The following ITGA9 variants were observed in gnomAD, a reference collection of about 807,000 sequenced individuals.
The protein encoded by ITGA9 is integrin subunit alpha 9, also known as integrin alpha-9.
A neutral mutation model predicts 127.8 loss-of-function variants in ITGA9; 56 were observed. That is an observed-to-expected ratio of 0.44 (90% confidence interval 0.35 to 0.55). ITGA9 has a LOEUF of 0.55. Ranked by LOEUF, ITGA9 falls within the 20% of genes least tolerant of loss-of-function variation. ITGA9 has a pLI of 0.00. For missense variants in ITGA9, 1,196 were observed against 1,347.1 expected, an observed-to-expected ratio of 0.89 and a Z score of 1.76; for synonymous variants, 508 against 514.5, an observed-to-expected ratio of 0.99 and a Z score of 0.17.
chr3:37,605,243 G>A (rs1036293813), intron 15 of ITGA9, among the ~76,000 whole-genome samples: 2 of 152,128 alleles, frequency 1.3e-5, no homozygotes, highest in African/African-American at 4.8e-5. Context: ...GGATGAGCGG[G>A]GAGAGTGGGA....
intron 9 of ITGA9, among the ~76,000 whole-genome samples, chr3:37,514,604 C>A (rs940096559): frequency 1.3e-5 from 2 of 152,190 alleles, no homozygotes; most frequent in Non-Finnish European, 2.9e-5. Context: ...AAGTATCACT[C>A]CATCACCCAG....
At chr3:37,802,029 C>T (rs1185444906) in intron 26 of ITGA9, among the ~76,000 whole-genome samples, 2 of 152,160 alleles carry the variant, frequency 1.3e-5, no homozygotes, top group African/African-American at 4.8e-5. Flanking sequence ...CACTGTCAAC[C>T]AGGCACTGCA....
chr3:37,494,613 C>G, intron 5 of ITGA9, 45 bp downstream of exon 5: 1 of 1,514,006 alleles, frequency 6.6e-7, no homozygotes, highest in Middle Eastern at 1.7e-4. Context: ...TGTGGGTGTT[C>G]ATTTCCTTGC....
At chr3:37,499,655 A>G (rs751828831) in intron 5 of ITGA9, among the ~76,000 whole-genome samples, 2 of 152,182 alleles carry the variant, frequency 1.3e-5, no homozygotes, top group Admixed American at 6.5e-5. Flanking sequence ...AGGGATTTCC[A>G]GGAAGGCACT....
intron 12 of ITGA9, among the ~76,000 whole-genome samples, chr3:37,524,436 A>C: frequency 6.6e-6 from 1 of 152,212 alleles, no homozygotes; most frequent in East Asian, 1.9e-4. Flanking sequence ...GTATTTTTGT[A>C]CAGATAGGAG....
intron 1 of ITGA9, among the ~76,000 whole-genome samples, chr3:37,470,047 T>TCG (rs1698411434): frequency 1.3e-5 from 2 of 152,188 alleles, no homozygotes; most frequent in South Asian, 4.2e-4. Flanking sequence ...TCTGCCCACC[T>TCG]CGGCCTCCCA....
At chr3:37,689,833 A>G (rs1700814785) in intron 18 of ITGA9, among the ~76,000 whole-genome samples, 1 of 152,238 alleles carries the variant, frequency 6.6e-6, no homozygotes. Flanking sequence ...TCAAACAGCC[A>G]TGAATTTGTT....
intron 17 of ITGA9, among the ~76,000 whole-genome samples, chr3:37,666,912 G>T (rs1274540578): frequency 4.6e-5 from 7 of 152,164 alleles, no homozygotes; most frequent in Admixed American, 4.6e-4. Context: ...TGGAGTGTTT[G>T]TACCCCAATT....
At chr3:37,730,121 A>G (rs964498783) in intron 18 of ITGA9, among the ~76,000 whole-genome samples, 13 of 152,236 alleles carry the variant, frequency 8.5e-5, no homozygotes, top group African/African-American at 3.1e-4. Context: ...AGAGTTAGGT[A>G]AGCATGTAAT....
At chr3:37,639,997 C>T (rs569222757) in intron 16 of ITGA9, among the ~76,000 whole-genome samples, 9 of 152,224 alleles carry the variant, frequency 5.9e-5, no homozygotes, top group South Asian at 2.1e-4. Flanking sequence ...CACAGAATAG[C>T]GCTCTGAAAA....
At chr3:37,565,279 T>C (rs17828523) in intron 15 of ITGA9, among the ~76,000 whole-genome samples, 20,219 of 152,190 alleles carry the variant, frequency 0.13, 1,559 homozygotes, top group African/African-American at 0.19. Flanking sequence ...GAGTGTTACC[T>C]TGGCTTCTGA....
At chr3:37,559,744 A>G (rs997109798) in intron 15 of ITGA9, among the ~76,000 whole-genome samples, 1 of 152,184 alleles carries the variant, frequency 6.6e-6, no homozygotes, top group African/African-American at 2.4e-5. Flanking sequence ...ACACGGAGCC[A>G]TTACCTTGTG....
chr3:37,538,109 C>A (rs1017509622), intron 14 of ITGA9, among the ~76,000 whole-genome samples: 1 of 152,174 alleles, frequency 6.6e-6, no homozygotes, highest in Non-Finnish European at 1.5e-5. Flanking sequence ...GAGTGTGAAA[C>A]GAAAACCAGG....
At chr3:37,805,849 T>G (rs1268884971) in intron 27 of ITGA9, 1 of 151,762 alleles carries the variant, frequency 6.6e-6, no homozygotes, top group African/African-American at 2.4e-5. Context: ...TTTTTTGTAT[T>G]TTTAGTAGAG....
intron 15 of ITGA9, among the ~76,000 whole-genome samples, chr3:37,613,912 G>A (rs1363300504): frequency 1.3e-5 from 2 of 152,124 alleles, no homozygotes; most frequent in African/African-American, 4.8e-5. Flanking sequence ...CATTCTGTAG[G>A]TTGCCTGTTC....
chr3:37,809,025 A>T (rs1697333327), intron 27 of ITGA9: 1 of 152,110 alleles, frequency 6.6e-6, no homozygotes, highest in African/African-American at 2.4e-5. Context: ...GGAGTGGCAA[A>T]GCCTTAGTGG....
chr3:37,689,928 G>A (rs1230608334), intron 18 of ITGA9, among the ~76,000 whole-genome samples: 1 of 152,216 alleles, frequency 6.6e-6, no homozygotes, highest in African/African-American at 2.4e-5. Flanking sequence ...CTGCTCCCAG[G>A]GAGCTCATGG....
At chr3:37,559,867 T>C (rs961902479) in intron 15 of ITGA9, among the ~76,000 whole-genome samples, 4 of 152,180 alleles carry the variant, frequency 2.6e-5, no homozygotes, top group Non-Finnish European at 5.9e-5. Flanking sequence ...CTGCCCAGAA[T>C]TGAGGTGTTG....
chr3:37,459,774 A>G (rs1247930309), intron 1 of ITGA9, among the ~76,000 whole-genome samples: 1 of 152,180 alleles, frequency 6.6e-6, no homozygotes, highest in African/African-American at 2.4e-5. Flanking sequence ...TGGGGGCTTC[A>G]GGGCGCTCAA....
Sources: allele counts gnomAD v4.1 joint callset (sites outside exome capture counted in the v4.1 genomes callset), GRCh38; gene constraint gnomAD v4.1.1; transcripts MANE v1.5; gene names NCBI Gene and HGNC (gene_info 2026-07-23, HGNC 2026-07-21).